The following VWA3B variants were observed in gnomAD, a reference collection of about 807,000 sequenced individuals.
The protein encoded by VWA3B is von Willebrand factor A domain-containing protein 3B.
Under a neutral mutation model 158.3 loss-of-function variants are expected in VWA3B, and 138 were observed. That is an observed-to-expected ratio of 0.87 (90% CI 0.76 to 1.00). VWA3B has a LOEUF of 1.00. Among genes scored for constraint, VWA3B ranks in the 50% least tolerant of loss-of-function variants. VWA3B has a pLI of 0.00. For missense variants in VWA3B, 1,555 were observed against 1,565.1 expected, an observed-to-expected ratio of 0.99 and a Z score of 0.11; for synonymous variants, 596 against 587.3, an observed-to-expected ratio of 1.01 and a Z score of -0.21.
At chr2:98,090,871 G>T (rs1406579916) in intron 1 of VWA3B, among the ~76,000 whole-genome samples, 1 of 151,442 alleles carries the variant, frequency 6.6e-6, no homozygotes, top group Non-Finnish European at 1.5e-5. Flanking sequence ...TCCTCCTGCT[G>T]CAGCCTCTCG....
At chr2:98,304,572 C>T (rs1205147934) in intron 26 of VWA3B, among the ~76,000 whole-genome samples, 1 of 152,194 alleles carries the variant, frequency 6.6e-6, no homozygotes, top group Non-Finnish European at 1.5e-5. Flanking sequence ...CATCCTCTCC[C>T]TCCACTTCTG....
intron 2 of VWA3B, among the ~76,000 whole-genome samples, chr2:98,104,695 GCTTT>G (rs1404920747): frequency 6.6e-6 from 1 of 152,098 alleles, no homozygotes; most frequent in African/African-American, 2.4e-5. Context: ...GTTACTATTT[GCTTT>G]CTATTTGTCC....
intron 19 of VWA3B, among the ~76,000 whole-genome samples, chr2:98,242,756 T>C (rs765622853): frequency 6.7e-6 from 1 of 149,572 alleles, no homozygotes; most frequent in Non-Finnish European, 1.5e-5. Flanking sequence ...GCATTTGCTA[T>C]CATCAAATAT....
intron 7 of VWA3B, among the ~76,000 whole-genome samples, chr2:98,143,556 A>G (rs1676943686): frequency 6.6e-6 from 1 of 151,832 alleles, no homozygotes; most frequent in Non-Finnish European, 1.5e-5. Context: ...CTATTATGCT[A>G]TATTAGCTGT....
Position 98,181,208 on chromosome 2 carries a change from G to C in VWA3B, c.1307G>C (p.Ser436Thr), listed in dbSNP as rs764105191. The C allele has an allele frequency of 2.5e-6, 4 of 1,613,424 alleles. No individual in the cohort carries two copies. The highest frequency in any genetic ancestry group is 3.4e-6 in the Non-Finnish European group (4 of 1,179,620). ...AKPENESVQTSAETNKKTVHA... is the reference protein window; with the variant it reads ...AKPENESVQTTAETNKKTVHA... ...CCGGAGAATGAGTCCGTGCAGACCA[G>C]TGCGGTAGGTGAAGTGCACTCCTGG... is the stretch of plus-strand genomic sequence containing the variant. Residue 436 changes from serine (S) to threonine (T), a missense_variant, in exon 9 of 28, where the codon AGT becomes ACT. Transcript: ENST00000477737.
chr2:98,131,158 A>G (rs1164479554), intron 6 of VWA3B, among the ~76,000 whole-genome samples: 2 of 152,116 alleles, frequency 1.3e-5, no homozygotes, highest in African/African-American at 4.8e-5. Flanking sequence ...TCTCATCTCC[A>G]TGAGATCAAC....
At chr2:98,112,158 T>C (rs1674179293) in intron 2 of VWA3B, among the ~76,000 whole-genome samples, 3 of 152,220 alleles carry the variant, frequency 2.0e-5, no homozygotes. Context: ...GAGTCATTTA[T>C]TGAATAGGGA....
At chr2:98,245,573 G>T (rs529051037) in intron 19 of VWA3B, 1 of 456,986 alleles carries the variant, frequency 2.2e-6, no homozygotes, top group South Asian at 1.5e-5. Context: ...GGCCACGAAA[G>T]GCATGAGGTT....
chr2:98,089,894 GAA>G (rs936464199), intron 1 of VWA3B, among the ~76,000 whole-genome samples: 8 of 152,144 alleles, frequency 5.3e-5, no homozygotes, highest in African/African-American at 1.9e-4. Flanking sequence ...CTATACTGGA[GAA>G]GTTTTGATTG....
chr2:98,098,649 T>C (rs1255127442), intron 2 of VWA3B, among the ~76,000 whole-genome samples: 2 of 152,088 alleles, frequency 1.3e-5, no homozygotes, highest in Non-Finnish European at 2.9e-5. Flanking sequence ...GTGGATCTTG[T>C]TTTTTATACA....
intron 19 of VWA3B, among the ~76,000 whole-genome samples, chr2:98,239,928 AGAAAGTGAAACAGACCT>A (rs1055914996): frequency 1.3e-5 from 2 of 151,996 alleles, no homozygotes; most frequent in Non-Finnish European, 2.9e-5. Context: ...AAAAAAAGAA[AGAAAGTGAAACAGACCT>A]GAAAGCAAAT....
chr2:98,231,910 AT>A (rs1422799485), intron 16 of VWA3B, among the ~76,000 whole-genome samples: 1 of 152,030 alleles, frequency 6.6e-6, no homozygotes, highest in East Asian at 1.9e-4. Flanking sequence ...TTTGTTGAGG[AT>A]TTTGGTATCA....
At chr2:98,296,881 T>G (rs1351483428) in intron 23 of VWA3B, among the ~76,000 whole-genome samples, 1 of 151,066 alleles carries the variant, frequency 6.6e-6, no homozygotes, top group African/African-American at 2.4e-5. Flanking sequence ...AATAATTATA[T>G]TAATTAAAAT....
chr2:98,088,792 C>A (rs1458154597), intron 1 of VWA3B, among the ~76,000 whole-genome samples: 10 of 152,102 alleles, frequency 6.6e-5, no homozygotes, highest in African/African-American at 1.7e-4. Flanking sequence ...CTCGCTCTGT[C>A]CCCCAGGCTG....
rs936025942 is a variant in VWA3B, at chr2:98,311,892, G to A, written c.3595G>A (p.Glu1199Lys). Residue 1199 changes from glutamate to lysine, a missense_variant, in exon 27 of 28, where the codon GAG becomes AAG. Glu to Lys is a moderately conservative substitution (Grantham distance 56). Transcript: ENST00000477737. The part of the protein sequence containing the change: ...LKEADTQDSR[E>K]PRREKPRRKK... ...AGAAGCGGACACGCAGGATTCCAGA[G>A]AGCCAAGACGAGAGAAGCCCAGGAG... 1.2e-6 allele frequency: 2 copies of A among 1,611,762 alleles called. No homozygotes were observed. Among genetic ancestry groups the A allele is most frequent in the Non-Finnish European group, 1.7e-6 (2 of 1,179,088 alleles).
chr2:98,274,612 G>A (rs1165016418), intron 22 of VWA3B, among the ~76,000 whole-genome samples: 1 of 152,206 alleles, frequency 6.6e-6, no homozygotes, highest in Non-Finnish European at 1.5e-5. Context: ...TTGGGCATGG[G>A]AGGAGGTACC....
chr2:98,126,243 A>C (rs956132452), intron 5 of VWA3B, among the ~76,000 whole-genome samples: 5 of 152,364 alleles, frequency 3.3e-5, no homozygotes, highest in Admixed American at 6.5e-5. Context: ...TTTCTGCACA[A>C]GAACTTCAGG....
At chr2:98,282,342 C>T (rs770004274) in intron 22 of VWA3B, among the ~76,000 whole-genome samples, 3 of 152,056 alleles carry the variant, frequency 2.0e-5, no homozygotes, top group Non-Finnish European at 4.4e-5. Flanking sequence ...ATAATTCCTT[C>T]CATAAAGTCC....
At chr2:98,166,019 T>C (rs1016749432) in intron 8 of VWA3B, among the ~76,000 whole-genome samples, 1 of 152,026 alleles carries the variant, frequency 6.6e-6, no homozygotes, top group African/African-American at 2.4e-5. Context: ...CATGAGACTG[T>C]ATTTGGAGAC....
Sources: allele counts gnomAD v4.1 joint callset (sites outside exome capture counted in the v4.1 genomes callset), GRCh38; gene constraint gnomAD v4.1.1; transcripts MANE v1.5; gene names NCBI Gene and HGNC (gene_info 2026-07-23, HGNC 2026-07-21).